OR1L8: variants seen among roughly 807,000 people sequenced by gnomAD.
OR1L8 encodes the protein olfactory receptor family 1 subfamily L member 8.
For missense variants in OR1L8, 330 were observed against 377.4 expected, an observed-to-expected ratio of 0.87 and a Z score of 1.04; for synonymous variants, 148 against 147.0, an observed-to-expected ratio of 1.01 and a Z score of -0.05.
chr9:122,564,922 C>T (rs960444112), downstream of OR1L8, among the ~76,000 whole-genome samples: 1 of 152,184 alleles, frequency 6.6e-6, no homozygotes, highest in African/African-American at 2.4e-5. Flanking sequence ...AGATGCCACA[C>T]TGGTCCATTA....
the OR1L8 span, among the ~76,000 whole-genome samples, chr9:122,561,374 C>T: frequency 6.6e-6 from 1 of 152,172 alleles, no homozygotes; most frequent in East Asian, 1.9e-4. Flanking sequence ...CCAGTTCACG[C>T]CCTTGCTGGA....
rs148659789 is a variant in OR1L8 at position 122,567,630 on chromosome 9, G to A, written c.848C>T (p.Ser283Phe). ...GCTGTAGATAAAAGGATTGAGCATG[G>A]ATGACAAAACTGTGTAAACAATTGT... ...VATIVYTVLS[S>F]MLNPFIYSLR... is the part of the protein sequence containing the mutation. Residue 283 changes from serine to phenylalanine, a missense_variant, in exon 5 of 5, where the codon TCC becomes TTC. Transcript: ENST00000641027. The A allele has an allele frequency of 1.2e-6, 2 of 1,614,016 alleles. No individual in the cohort carries two copies. The highest frequency in any genetic ancestry group is 1.7e-6 in the Non-Finnish European group (2 of 1,179,962).
chr9:122,554,109 A>G, the OR1L8 span: 4 of 1,613,812 alleles, frequency 2.5e-6, no homozygotes, highest in Non-Finnish European at 1.7e-6. Flanking sequence ...GAACAGAGAC[A>G]TGAAGGAGGC....
chr9:122,583,244 A>G (rs1385189550), intron 1 of OR1L8, 77 bp downstream of exon 1: 2 of 152,006 alleles, frequency 1.3e-5, no homozygotes, highest in African/African-American at 4.8e-5. Context: ...ACATTCTATA[A>G]AATATTTCAT....
chr9:122,547,643 G>A, the OR1L8 span, among the ~76,000 whole-genome samples: 1 of 151,894 alleles, frequency 6.6e-6, no homozygotes, highest in Non-Finnish European at 1.5e-5. Context: ...GTGTGTGTGT[G>A]TGTGTGTGTG....
intron 1 of OR1L8, among the ~76,000 whole-genome samples, chr9:122,580,298 CTG>C (rs1240261348): frequency 6.6e-6 from 1 of 151,860 alleles, no homozygotes; most frequent in African/African-American, 2.4e-5. Flanking sequence ...AGGACTCTAA[CTG>C]TAAAGAATTC....
At chr9:122,550,657 C>A in the OR1L8 span, among the ~76,000 whole-genome samples, 3 of 151,410 alleles carry the variant, frequency 2.0e-5, no homozygotes, top group Non-Finnish European at 4.4e-5. Context: ...ACCTTATAAT[C>A]ATCTCAATAG....
intron 1 of OR1L8, among the ~76,000 whole-genome samples, chr9:122,582,746 A>G (rs1323734057): frequency 6.6e-6 from 1 of 152,078 alleles, no homozygotes; most frequent in East Asian, 1.9e-4. Flanking sequence ...AAGTTAAAGG[A>G]AAAAAAGACA....
the OR1L8 span, chr9:122,554,032 A>C: frequency 6.2e-7 from 1 of 1,613,788 alleles, no homozygotes. Flanking sequence ...ACAGAGAGGG[A>C]AAGTAGGGCT....
the OR1L8 span, among the ~76,000 whole-genome samples, chr9:122,548,008 T>C: frequency 2.0e-5 from 3 of 152,192 alleles, no homozygotes; most frequent in Non-Finnish European, 4.4e-5. Flanking sequence ...TGATATCTCA[T>C]TGTGGTTTTA....
At chr9:122,581,680 C>T (rs1209176002) in intron 1 of OR1L8, among the ~76,000 whole-genome samples, 1 of 152,130 alleles carries the variant, frequency 6.6e-6, no homozygotes, top group East Asian at 1.9e-4. Context: ...GGCACAGTGG[C>T]TCATGTCTGT....
Position 122,574,362 on chromosome 9 carries a change from T to C in OR1L8, c.-341-1454A>G, listed in dbSNP as rs191271820. ...ACATGGAATTACTATTTAGTTCTTT[T>C]ATCTTTCATCATGGTTTTGTGGTAA... is the stretch of plus-strand genomic sequence containing the variant. On this transcript the variant is annotated intron_variant, in intron 3 of 4. Coordinates refer to ENST00000641027, the MANE Select transcript of OR1L8 (RefSeq NM_001004454.2). 2.4e-3 allele frequency among the ~76,000 whole-genome samples: 369 copies of C among 152,326 alleles called. 4 individuals carry two copies. The highest frequency in any genetic ancestry group is 8.7e-3 in the African/African-American group (360 of 41,596).
At chr9:122,553,147 A>G in the OR1L8 span, 20 of 1,548,038 alleles carry the variant, frequency 1.3e-5, no homozygotes, top group Non-Finnish European at 1.6e-5. Context: ...CTGTAAATTG[A>G]TCTAATAAAT....
intron 1 of OR1L8, among the ~76,000 whole-genome samples, chr9:122,582,001 G>A (rs1048008321): frequency 4.9e-4 from 75 of 152,254 alleles, no homozygotes; most frequent in Admixed American, 5.9e-4. Flanking sequence ...GACAAAGCAC[G>A]GTGTCAAAGC....
In OR1L8 at chr9:122,567,740, G is replaced by T. The variant is rs753654945; in HGVS notation, c.738C>A (p.Leu246=). 1 of 1,614,092 alleles carries T rather than the reference G, an allele frequency of 6.2e-7. No homozygotes were observed. Among genetic ancestry groups the T allele is most frequent in the Non-Finnish European group, 8.5e-7 (1 of 1,179,986 alleles). ...TTCCATAAAAGAGCGTCACCACGGT[G>T]AGGTAAAAACCACAGGTGGAGAAGG... ...RKAFSTCGFY[L]TVVTLFYGSI... is the part of the protein sequence containing the mutation. The change falls in exon 5 of 5, where the codon CTC becomes CTA. Residue 246 remains leucine (L), a synonymous_variant. Transcript: ENST00000641027.
intron 4 of OR1L8, among the ~76,000 whole-genome samples, chr9:122,569,197 C>G (rs1481840693): frequency 6.6e-6 from 1 of 152,154 alleles, no homozygotes; most frequent in African/African-American, 2.4e-5. Flanking sequence ...ATGCTATCAT[C>G]ATTAGTTTGC....
rs1323579630 is a variant in OR1L8, at chr9:122,567,616, A to G, written c.862T>C (p.Phe288Leu). ...YTVLSSMLNP[F>L]IYSLRNKDLK... Reference sequence around the variant, plus strand: ...TCTTTGTTTCTCAGGCTGTAGATAAAAGGATTGAGCATGGATGACAAAACT... The same window carrying G: ...TCTTTGTTTCTCAGGCTGTAGATAAGAGGATTGAGCATGGATGACAAAACT... Residue 288 changes from phenylalanine to leucine, a missense_variant, in exon 5 of 5, where the codon TTT (phenylalanine) becomes CTT (leucine). Physicochemically the swap from Phe to Leu is conservative, Grantham distance 22. Coordinates refer to ENST00000641027, the MANE Select transcript of OR1L8 (RefSeq NM_001004454.2). 5.6e-6 allele frequency: 9 copies of G among 1,613,302 alleles called. No individual in the cohort carries two copies. The highest frequency in any genetic ancestry group is 7.6e-6 in the Non-Finnish European group (9 of 1,179,820).
chr9:122,566,827 T>C (rs1236254057), downstream of OR1L8, among the ~76,000 whole-genome samples: 3 of 152,162 alleles, frequency 2.0e-5, no homozygotes, highest in Non-Finnish European at 4.4e-5. Context: ...AACACATAGT[T>C]TATGGGAAGG....
chr9:122,548,239 C>T, the OR1L8 span, among the ~76,000 whole-genome samples: 3 of 152,136 alleles, frequency 2.0e-5, no homozygotes, highest in Non-Finnish European at 4.4e-5. Flanking sequence ...GAAAATGTGA[C>T]AAGGCAAAGG....
Sources: gnomAD v4.1 joint callset for allele counts (sites outside exome capture counted in the v4.1 genomes callset) on GRCh38, gnomAD v4.1.1 for gene constraint, MANE v1.5 for transcripts, NCBI Gene and HGNC (gene_info 2026-07-23, HGNC 2026-07-21) for gene names.